The following RNF170 variants were observed in gnomAD, a reference collection of about 807,000 sequenced individuals.
RNF170 encodes E3 ubiquitin-protein ligase RNF170.
Under a neutral mutation model 32.7 loss-of-function variants are expected in RNF170, and 12 were observed. The ratio of observed to expected loss-of-function variants is 0.37; its 90% CI spans 0.24 to 0.60. The LOEUF (loss-of-function observed/expected upper bound fraction) is 0.60, where lower values mean the gene tolerates loss of function less well. RNF170 is among the 20% of genes least tolerant of loss of function. The pLI is 0.72. For missense variants in RNF170, 212 were observed against 311.2 expected, an observed-to-expected ratio of 0.68 and a Z score of 2.40; for synonymous variants, 91 against 103.6, an observed-to-expected ratio of 0.88 and a Z score of 0.74.
chr8:42,881,685 C>T (rs1035461159), intron 2 of RNF170, among the ~76,000 whole-genome samples: 8 of 152,120 alleles, frequency 5.3e-5, no homozygotes, highest in Admixed American at 2.0e-4. Flanking sequence ...CTGTAACTTC[C>T]GCACTTTGGG....
chr8:42,895,219 G>A (rs2130252480), intron 1 of RNF170, among the ~76,000 whole-genome samples: 1 of 152,198 alleles, frequency 6.6e-6, no homozygotes, highest in African/African-American at 2.4e-5. Context: ...GGAGGCTGAG[G>A]TAGGAGGATC....
chr8:42,871,141 TAA>T (rs1003640814), intron 3 of RNF170, among the ~76,000 whole-genome samples: 8 of 149,766 alleles, frequency 5.3e-5, no homozygotes, highest in African/African-American at 2.0e-4. Context: ...ACTCAAGAGG[TAA>T]AGACTGCAAT....
intron 3 of RNF170, among the ~76,000 whole-genome samples, chr8:42,870,936 C>T (rs533093499): frequency 3.4e-4 from 51 of 152,076 alleles, no homozygotes; most frequent in South Asian, 2.7e-3. Flanking sequence ...TGGCCGGGCA[C>T]GGTGGCTCAC....
intron 4 of RNF170, among the ~76,000 whole-genome samples, chr8:42,867,376 CAGG>C (rs1397567272): frequency 6.8e-6 from 1 of 147,288 alleles, no homozygotes; most frequent in East Asian, 2.0e-4. Context: ...GAGGTTGATG[CAGG>C]AGAATTGCTT....
chr8:42,883,704 A>T (rs1259275790), intron 2 of RNF170, among the ~76,000 whole-genome samples: 1 of 152,148 alleles, frequency 6.6e-6, no homozygotes, highest in Non-Finnish European at 1.5e-5. Flanking sequence ...GCATAGTGAG[A>T]ACCTGTCTCT....
chr8:42,861,004 C>T (rs1229302038), intron 6 of RNF170, among the ~76,000 whole-genome samples: 1 of 152,168 alleles, frequency 6.6e-6, no homozygotes, highest in African/African-American at 2.4e-5. Flanking sequence ...AGGCGTGAGC[C>T]ACCGCCCCCA....
At chr8:42,878,040 GCAATCAATCAAT>G (rs59449693) in intron 2 of RNF170, among the ~76,000 whole-genome samples, 8 of 151,398 alleles carry the variant, frequency 5.3e-5, no homozygotes, top group African/African-American at 1.9e-4. Flanking sequence ...GGTTATACTT[GCAATCAATCAAT>G]CAATCAATCA....
chr8:42,896,467 C>CCG lies in RNF170; in HGVS notation c.-8+15_-8+16dup, dbSNP rs761431310. On this transcript the variant is annotated intron_variant, in intron 1 of 6. Coordinates refer to ENST00000527424, the MANE Select transcript of RNF170 (RefSeq NM_030954.4). ...GGCCCCGATAGGGTGGGCGTGGCCG[C>CCG]CGCGCGCCGGACGTACCTCTCCACC... The CCG allele has an allele frequency of 2.4e-4, 107 of 453,814 alleles. No individual in the cohort carries two copies. Among genetic ancestry groups the CCG allele is most frequent in the Non-Finnish European group, 3.7e-4 (84 of 226,638 alleles). 28.1% of individuals were successfully genotyped at this position (453,814 alleles called of 1,614,324 possible).
At chr8:42,869,025 C>T (rs1012580131) in intron 4 of RNF170, among the ~76,000 whole-genome samples, 2 of 152,126 alleles carry the variant, frequency 1.3e-5, no homozygotes, top group Non-Finnish European at 2.9e-5. Flanking sequence ...ATTCTCCTTC[C>T]TCAGCCTCCC....
At chr8:42,890,512 C>T (rs374315706) in intron 1 of RNF170, among the ~76,000 whole-genome samples, 2 of 151,968 alleles carry the variant, frequency 1.3e-5, no homozygotes, top group African/African-American at 2.4e-5. Context: ...CTCCTGACCT[C>T]GTGATACACC....
downstream of RNF170, among the ~76,000 whole-genome samples, chr8:42,851,921 C>T (rs971340602): frequency 6.6e-6 from 1 of 152,196 alleles, no homozygotes; most frequent in African/African-American, 2.4e-5. Context: ...GTGTGAGCCA[C>T]CACACTGTCC....
At chr8:42,896,257 G>C (rs1381657195) in intron 1 of RNF170, 2 of 343,138 alleles carry the variant, frequency 5.8e-6, no homozygotes, top group African/African-American at 4.6e-5. Flanking sequence ...AACCCACCTA[G>C]AGCCGCTCTC....
Position 42,855,608 on chromosome 8 carries a change from G to A in RNF170, c.*551C>T, listed in dbSNP as rs1396795909. 1 of 1,277,844 alleles carries A rather than the reference G, an allele frequency of 7.8e-7. No individual in the cohort carries two copies. The highest frequency in any genetic ancestry group is 1.2e-5 in the South Asian group (1 of 80,736). The allele number at this position is 1,277,844 out of a possible 1,614,324, so 79.2% of individuals were successfully genotyped here. Reference sequence around the variant, plus strand: ...GTTCAAGTTTCTTCTTTCAGTTTCAGCTGATAGCAAATAATTAATTATACC... The same window carrying A: ...GTTCAAGTTTCTTCTTTCAGTTTCAACTGATAGCAAATAATTAATTATACC... On this transcript the variant is annotated 3_prime_UTR_variant, in exon 7 of 7. Coordinates refer to ENST00000527424, the MANE Select transcript of RNF170 (RefSeq NM_030954.4).
Position 42,870,125 on chromosome 8 carries a change from C to G in RNF170, c.214-13G>C, listed in dbSNP as rs1171516380. ...CAGCAGGTGCATCCTAATAAGAACA[C>G]AGGTGCACACATTGGAACACAACAC... is the stretch of plus-strand genomic sequence containing the variant. On this transcript the variant is annotated splice_polypyrimidine_tract_variant and intron_variant, in intron 3 of 6. Coordinates refer to ENST00000527424, the MANE Select transcript of RNF170 (RefSeq NM_030954.4). The G allele has an allele frequency of 6.4e-7, 1 of 1,572,784 alleles. No individual in the cohort carries two copies. Among genetic ancestry groups the G allele is most frequent in the South Asian group, 1.1e-5 (1 of 90,024 alleles).
At chr8:42,869,926 T>C (rs1586509535) in intron 4 of RNF170, 78 bp downstream of exon 4, 1 of 981,860 alleles carries the variant, frequency 1.0e-6, no homozygotes, top group Non-Finnish European at 1.6e-6. Flanking sequence ...AAAGAGAAAA[T>C]TGGGAATCCA....
intron 1 of RNF170, among the ~76,000 whole-genome samples, chr8:42,893,255 T>C (rs1806465640): frequency 6.6e-6 from 1 of 152,214 alleles, no homozygotes; most frequent in Non-Finnish European, 1.5e-5. Context: ...ATCTATTTCA[T>C]GGTATCCTGT....
At chr8:42,860,623 A>G (rs1803584695) in intron 6 of RNF170, among the ~76,000 whole-genome samples, 2 of 151,980 alleles carry the variant, frequency 1.3e-5, no homozygotes, top group Non-Finnish European at 2.9e-5. Flanking sequence ...GGGTTTCACC[A>G]TGTTGATCAG....
chr8:42,868,100 C>G (rs1050241619), intron 4 of RNF170, among the ~76,000 whole-genome samples: 1 of 152,124 alleles, frequency 6.6e-6, no homozygotes, highest in Non-Finnish European at 1.5e-5. Context: ...AAGATAAAAA[C>G]TGAAATAAGC....
At chr8:42,882,767 C>T (rs1805516940) in intron 2 of RNF170, among the ~76,000 whole-genome samples, 3 of 151,970 alleles carry the variant, frequency 2.0e-5, no homozygotes, top group South Asian at 2.1e-4. Context: ...GAAGATTAAA[C>T]ACCACATGAT....
Sources: allele counts gnomAD v4.1 joint callset (sites outside exome capture counted in the v4.1 genomes callset), GRCh38; gene constraint gnomAD v4.1.1; transcripts MANE v1.5; gene names NCBI Gene and HGNC (gene_info 2026-07-23, HGNC 2026-07-21).